Variants in CERS3 observed in about 807,000 individuals in gnomAD.
CERS3 encodes LAG1 homolog, ceramide synthase 3.
A neutral mutation model predicts 50.3 loss-of-function variants in CERS3; 33 were observed. That is an observed-to-expected ratio of 0.66 (90% confidence interval 0.50 to 0.88). The LOEUF is 0.88. Ranked by LOEUF, CERS3 falls within the 40% of genes least tolerant of loss-of-function variation. The probability of loss-of-function intolerance (pLI) is 0.00; values close to 1 mark genes in which losing one functional copy is unlikely to be tolerated. For synonymous variants in CERS3, 176 were observed against 155.2 expected (o/e 1.13, Z -0.99); for missense variants, 470 against 460.3 (o/e 1.02, Z -0.19).
At chr15:100,429,786 C>T (rs2142115193) in intron 11 of CERS3, among the ~76,000 whole-genome samples, 1 of 152,166 alleles carries the variant, frequency 6.6e-6, no homozygotes, top group African/African-American at 2.4e-5. Flanking sequence ...CAGCCATCAC[C>T]CCGTATTGTA....
intron 11 of CERS3, among the ~76,000 whole-genome samples, chr15:100,412,162 G>C (rs1011416352): frequency 1.3e-5 from 2 of 151,990 alleles, no homozygotes; most frequent in African/African-American, 2.4e-5. Context: ...TGTGCCTTTA[G>C]TGTCATATCC....
chr15:100,442,423 A>G (rs1280550573), intron 11 of CERS3, among the ~76,000 whole-genome samples: 1 of 152,172 alleles, frequency 6.6e-6, no homozygotes, highest in Non-Finnish European at 1.5e-5. Flanking sequence ...CCAAGTAACA[A>G]TGTATTTCTG....
chr15:100,416,560 G>T (rs559902042), intron 11 of CERS3, among the ~76,000 whole-genome samples: 2 of 152,294 alleles, frequency 1.3e-5, no homozygotes, highest in South Asian at 2.1e-4. Flanking sequence ...GGCTGGGGAG[G>T]CCTCAGGAAA....
At chr15:100,453,722 A>G (rs892440570) in intron 11 of CERS3, among the ~76,000 whole-genome samples, 1 of 152,226 alleles carries the variant, frequency 6.6e-6, no homozygotes, top group Non-Finnish European at 1.5e-5. Flanking sequence ...CTCTTTGCAG[A>G]TGGCACGATC....
intron 11 of CERS3, among the ~76,000 whole-genome samples, chr15:100,450,676 G>A (rs371343999): frequency 9.2e-5 from 14 of 152,280 alleles, no homozygotes; most frequent in African/African-American, 3.4e-4. Flanking sequence ...AAGTTTGCAA[G>A]AGATTTAGAC....
intron 2 of CERS3, among the ~76,000 whole-genome samples, chr15:100,509,306 A>C (rs1310107940): frequency 6.6e-6 from 1 of 152,252 alleles, no homozygotes; most frequent in Non-Finnish European, 1.5e-5. Context: ...TAAAGTATTA[A>C]AAAATATGAC....
intron 10 of CERS3, among the ~76,000 whole-genome samples, chr15:100,464,952 A>G (rs2034665237): frequency 6.6e-6 from 1 of 152,154 alleles, no homozygotes; most frequent in South Asian, 2.1e-4. Flanking sequence ...GTGGCTGGAC[A>G]TGAAAGGGAG....
At chr15:100,448,507 A>G (rs993982657) in intron 11 of CERS3, among the ~76,000 whole-genome samples, 19 of 152,208 alleles carry the variant, frequency 1.2e-4, no homozygotes, top group African/African-American at 3.6e-4. Flanking sequence ...ACTAACATAG[A>G]GAGCTGCCTA....
chr15:100,466,783 T>C (rs371426722), intron 10 of CERS3, among the ~76,000 whole-genome samples: 18,837 of 38,542 alleles, frequency 0.49, 6,299 homozygotes, highest in Middle Eastern at 0.63. Flanking sequence ...CTTCCTTCCT[T>C]CCTTCCTTCC....
chr15:100,452,411 G>C (rs567567012), intron 11 of CERS3, among the ~76,000 whole-genome samples: 1 of 152,146 alleles, frequency 6.6e-6, no homozygotes, highest in East Asian at 1.9e-4. Flanking sequence ...TGACCACTAG[G>C]TCAAGAAAGA....
chr15:100,477,013 G>T (rs1179827536), intron 7 of CERS3, among the ~76,000 whole-genome samples: 1 of 152,202 alleles, frequency 6.6e-6, no homozygotes, highest in Admixed American at 6.5e-5. Flanking sequence ...CGTCACCATA[G>T]ACTTGAGCCA....
At chr15:100,480,130 C>A (rs2035254478) in intron 5 of CERS3, 84 bp from the exon 6 acceptor site, 4 of 973,554 alleles carry the variant, frequency 4.1e-6, no homozygotes, top group Non-Finnish European at 6.5e-6. Context: ...GCAGATTTTA[C>A]AAAGAACACA....
intron 4 of CERS3, among the ~76,000 whole-genome samples, chr15:100,487,576 G>A (rs150409714): frequency 1.6e-3 from 247 of 152,260 alleles, no homozygotes; most frequent in African/African-American, 5.8e-3. Context: ...ATTCAGAAGT[G>A]GGTTGGAACA....
chr15:100,437,131 G>A (rs886105707), intron 11 of CERS3, among the ~76,000 whole-genome samples: 1 of 151,876 alleles, frequency 6.6e-6, no homozygotes, highest in Non-Finnish European at 1.5e-5. Context: ...ATTTTTAGTA[G>A]AGACAGTGTT....
At chr15:100,462,909 T>A (rs1383661398) in intron 10 of CERS3, among the ~76,000 whole-genome samples, 1 of 152,224 alleles carries the variant, frequency 6.6e-6, no homozygotes, top group Non-Finnish European at 1.5e-5. Flanking sequence ...ATTGCTACAT[T>A]TCCTGCGATT....
rs570252796 is a variant in CERS3, at chr15:100,484,757, T to G, written c.289-89A>C. ...GAGACGGAGATTGAGTTACAAGAGC[T>G]TCGGTACTGGGGATGAGAGAAATTC... On this transcript the variant is annotated intron_variant, in intron 4 of 11. Coordinates refer to ENST00000679737, the MANE Select transcript of CERS3 (RefSeq NM_001378789.1). 3 of 935,412 alleles carry G rather than the reference T, an allele frequency of 3.2e-6. No homozygotes were observed. The South Asian group carries it at 4.0e-5, about 13-fold the overall frequency. The allele number at this position is 935,412 out of a possible 1,614,324, so 57.9% of individuals were successfully genotyped here.
At chr15:100,440,485 C>G (rs962575797) in intron 11 of CERS3, among the ~76,000 whole-genome samples, 4 of 152,218 alleles carry the variant, frequency 2.6e-5, no homozygotes, top group African/African-American at 4.8e-5. Context: ...TAAAACGGCC[C>G]CACCCCTATC....
intron 11 of CERS3, among the ~76,000 whole-genome samples, chr15:100,405,370 A>G (rs1446332040): frequency 6.6e-6 from 1 of 152,190 alleles, no homozygotes; most frequent in Admixed American, 6.5e-5. Flanking sequence ...GTCATTAGGA[A>G]AATGCAAATG....
intron 10 of CERS3, among the ~76,000 whole-genome samples, chr15:100,467,807 AC>A (rs1320517860): frequency 7.1e-5 from 3 of 42,088 alleles, no homozygotes; most frequent in Admixed American, 2.3e-4. Flanking sequence ...ATATATATAT[AC>A]GTCTATATAT....
Sources: gnomAD v4.1 joint callset for allele counts (sites outside exome capture counted in the v4.1 genomes callset) on GRCh38, gnomAD v4.1.1 for gene constraint, MANE v1.5 for transcripts, NCBI Gene and HGNC (gene_info 2026-07-23, HGNC 2026-07-21) for gene names.